Variants in DIAPH3 observed in about 807,000 individuals in gnomAD.
DIAPH3 encodes diaphanous related formin 3.
A neutral mutation model predicts 144.3 loss-of-function variants in DIAPH3; 117 were observed. That is an observed-to-expected ratio of 0.81 (90% CI 0.70 to 0.95). DIAPH3 has a LOEUF of 0.95. Among genes scored for constraint, DIAPH3 ranks in the 40% least tolerant of loss-of-function variants. The pLI is 0.00. For missense variants in DIAPH3, 1,421 were observed against 1,412.7 expected (o/e 1.01, Z -0.09); for synonymous variants, 519 against 488.9 (o/e 1.06, Z -0.81).
intron 1 of DIAPH3, among the ~76,000 whole-genome samples, chr13:60,134,338 C>T (rs1421710481): frequency 6.6e-6 from 1 of 152,162 alleles, no homozygotes; most frequent in African/African-American, 2.4e-5. Context: ...GCTTTTTTAT[C>T]AATACTATCT....
intron 4 of DIAPH3, among the ~76,000 whole-genome samples, chr13:60,061,862 G>A (rs372609690): frequency 6.6e-6 from 1 of 151,942 alleles, no homozygotes; most frequent in Non-Finnish European, 1.5e-5. Flanking sequence ...CTTAACTCCG[G>A]GGGGTGAGGG....
intron 4 of DIAPH3, among the ~76,000 whole-genome samples, chr13:60,073,577 C>A (rs1343665696): frequency 6.6e-6 from 1 of 152,084 alleles, no homozygotes; most frequent in Non-Finnish European, 1.5e-5. Context: ...TAGTAACATA[C>A]CTCCTTTATG....
At chr13:59,905,342 CAAAAAA>C (rs59114311) in intron 20 of DIAPH3, among the ~76,000 whole-genome samples, 7 of 69,758 alleles carry the variant, frequency 1.0e-4, no homozygotes, top group East Asian at 5.5e-4. Flanking sequence ...GACTCTGTCT[CAAAAAA>C]AAAAAAAAAA....
At chr13:59,904,551 A>G (rs2046627851) in intron 20 of DIAPH3, among the ~76,000 whole-genome samples, 1 of 152,134 alleles carries the variant, frequency 6.6e-6, no homozygotes, top group African/African-American at 2.4e-5. Flanking sequence ...TCTCCATTTT[A>G]CATCTTTACA....
intron 4 of DIAPH3, among the ~76,000 whole-genome samples, chr13:60,045,902 A>G (rs1196879851): frequency 6.6e-6 from 1 of 152,208 alleles, no homozygotes; most frequent in African/African-American, 2.4e-5. Flanking sequence ...AAAAAACAAA[A>G]ACCACCTATC....
chr13:60,042,653 G>C (rs1423666655), intron 5 of DIAPH3, 37 bp downstream of exon 5: 4 of 1,612,000 alleles, frequency 2.5e-6, no homozygotes, highest in Non-Finnish European at 3.4e-6. Flanking sequence ...ACACATTAAT[G>C]ACATCTGCCC....
chr13:59,905,516 A>T (rs951540786), intron 20 of DIAPH3, among the ~76,000 whole-genome samples: 2 of 152,140 alleles, frequency 1.3e-5, no homozygotes, highest in Admixed American at 1.3e-4. Flanking sequence ...TCCTCAGAAC[A>T]ATACAATGTA....
chr13:59,802,094 A>G (rs901461510), intron 25 of DIAPH3, among the ~76,000 whole-genome samples: 1 of 152,178 alleles, frequency 6.6e-6, no homozygotes, highest in African/African-American at 2.4e-5. Context: ...AAAAGAGAGA[A>G]CCTATTAATA....
intron 5 of DIAPH3, among the ~76,000 whole-genome samples, chr13:60,021,623 G>A (rs985072226): frequency 5.5e-5 from 8 of 144,728 alleles, no homozygotes; most frequent in African/African-American, 2.1e-4. Context: ...CAAGATGGTT[G>A]CCCACTGCAC....
At chr13:59,820,645 G>A (rs901556247) in intron 24 of DIAPH3, among the ~76,000 whole-genome samples, 27 of 151,210 alleles carry the variant, frequency 1.8e-4, no homozygotes, top group Admixed American at 8.6e-4. Flanking sequence ...TCTAAAAAAA[G>A]CATTATAAAC....
intron 27 of DIAPH3, among the ~76,000 whole-genome samples, chr13:59,727,324 A>G (rs2035652061): frequency 6.6e-6 from 1 of 152,242 alleles, no homozygotes; most frequent in African/African-American, 2.4e-5. Context: ...TATTCAGGGA[A>G]GAAGACTTAG....
At chr13:59,992,973 T>C (rs967238653) in intron 9 of DIAPH3, among the ~76,000 whole-genome samples, 1 of 151,194 alleles carries the variant, frequency 6.6e-6, no homozygotes, top group Non-Finnish European at 1.5e-5. Flanking sequence ...TTACCTAAAA[T>C]AGGATAATAA....
rs552868173 is a variant in DIAPH3, at chr13:59,919,554, G to A, written c.2171-3305C>T. On this transcript the variant is annotated intron_variant, in intron 18 of 27. Transcript: ENST00000400324. ...AAACAACTTCTAAGAATACTTTACC[G>A]TCAAAATTTATTTTTCAGAAATCAA... Among the ~76,000 whole-genome samples, 18 of 152,086 alleles carry A rather than the reference G, an allele frequency of 1.2e-4. No homozygotes were observed. In the East Asian group the frequency reaches 2.1e-3, roughly 18 times the overall value.
chr13:59,995,726 G>A (rs189414045), intron 9 of DIAPH3, among the ~76,000 whole-genome samples: 101 of 152,070 alleles, frequency 6.6e-4, no homozygotes, highest in Admixed American at 1.6e-3. Flanking sequence ...GAAGAGAGAG[G>A]AAATCAGTTT....
intron 17 of DIAPH3, among the ~76,000 whole-genome samples, chr13:59,954,856 G>A (rs529585645): frequency 6.6e-6 from 1 of 151,946 alleles, no homozygotes. Context: ...CAATCATGAG[G>A]CAGCACTAAG....
At chr13:59,943,821 A>G (rs2048664895) in intron 17 of DIAPH3, among the ~76,000 whole-genome samples, 1 of 152,170 alleles carries the variant, frequency 6.6e-6, no homozygotes, top group South Asian at 2.1e-4. Context: ...AAATTTTTCA[A>G]TGACCAAAGG....
chr13:59,675,060 C>A (rs760308476), intron 27 of DIAPH3, among the ~76,000 whole-genome samples: 1 of 152,118 alleles, frequency 6.6e-6, no homozygotes, highest in Non-Finnish European at 1.5e-5. Context: ...TACATGCTAT[C>A]TTTTTTCATT....
intron 4 of DIAPH3, among the ~76,000 whole-genome samples, chr13:60,058,252 T>G (rs767669508): frequency 6.6e-6 from 1 of 150,680 alleles, no homozygotes; most frequent in Non-Finnish European, 1.5e-5. Flanking sequence ...TTTCTGACAC[T>G]TCTCAAAAGA....
chr13:60,114,212 T>G (rs1189839428), intron 2 of DIAPH3, among the ~76,000 whole-genome samples: 1 of 146,332 alleles, frequency 6.8e-6, no homozygotes, highest in African/African-American at 2.5e-5. Context: ...TGAAACGATA[T>G]AATGAAGAGT....
Sources: gnomAD v4.1 joint callset for allele counts (sites outside exome capture counted in the v4.1 genomes callset) on GRCh38, gnomAD v4.1.1 for gene constraint, MANE v1.5 for transcripts, NCBI Gene and HGNC (gene_info 2026-07-23, HGNC 2026-07-21) for gene names.